Variants in COL19A1 observed in about 807,000 individuals in gnomAD.
COL19A1 encodes collagen type XIX alpha 1 chain.
Under a neutral mutation model 190.2 loss-of-function variants are expected in COL19A1, and 159 were observed. The ratio of observed to expected loss-of-function variants is 0.84; its 90% CI spans 0.73 to 0.95. The LOEUF (loss-of-function observed/expected upper bound fraction) is 0.95. COL19A1 is among the 40% of genes least tolerant of loss of function. The pLI is 0.00. For missense variants in COL19A1, 1,418 were observed against 1,431.9 expected (o/e 0.99, Z 0.16); for synonymous variants, 509 against 458.9 (o/e 1.11, Z -1.39).
chr6:70,024,298 T>C (rs1380396127), intron 12 of COL19A1, among the ~76,000 whole-genome samples: 4 of 152,232 alleles, frequency 2.6e-5, no homozygotes, highest in Non-Finnish European at 5.9e-5. Flanking sequence ...TGTAATTTTA[T>C]TTACATTTAC....
At chr6:69,980,721 A>G (rs1201386079) in intron 11 of COL19A1, among the ~76,000 whole-genome samples, 11 of 152,230 alleles carry the variant, frequency 7.2e-5, no homozygotes, top group Admixed American at 7.2e-4. Context: ...GTGAATAGGC[A>G]GCTCGCTAAA....
rs530935637 is a variant in COL19A1 at position 70,101,700 on chromosome 6, C to A, written c.1225-469C>A. 1.4e-4 allele frequency among the ~76,000 whole-genome samples: 22 copies of A among 152,194 alleles called. 2 individuals are homozygous for A. In the South Asian group the frequency reaches 4.6e-3, roughly 32 times the overall value. On this transcript the variant is annotated intron_variant, in intron 15 of 50. Coordinates refer to ENST00000620364, the MANE Select transcript of COL19A1 (RefSeq NM_001858.6). ...TGGCTCCGACCCCCGGGATTCTAAA[C>A]CGTGAATTCTAGGATGAAGTCCAGG...
intron 2 of COL19A1, among the ~76,000 whole-genome samples, chr6:69,882,232 ATTC>A (rs1468228121): frequency 6.6e-6 from 1 of 152,206 alleles, no homozygotes; most frequent in African/African-American, 2.4e-5. Context: ...ATATGGAGAG[ATTC>A]AATAATAACT....
In COL19A1 at chr6:70,156,685, C is replaced by T. The variant is rs148349188; in HGVS notation, c.2254C>T (p.Arg752Trp). ...GTCTTTTTAGGGAAGCAAAGGAGAG[C>T]GGGGCTACCCTGGGATACCTGGGGA... Reference protein sequence around the residue: ...REGPKGSKGERGYPGIPGEKG... With the variant: ...REGPKGSKGEWGYPGIPGEKG... The change falls in exon 34 of 51, where the codon CGG becomes TGG. Residue 752 changes from arginine (R) to tryptophan (W), a missense_variant. Transcript: ENST00000620364. The T allele has an allele frequency of 2.4e-4, 387 of 1,611,510 alleles. 1 individual carries two copies. Among genetic ancestry groups the T allele is most frequent in the Middle Eastern group, 1.7e-4 (1 of 6,044 alleles).
intron 14 of COL19A1, among the ~76,000 whole-genome samples, chr6:70,037,146 T>C (rs7767087): frequency 0.1 from 15,203 of 152,132 alleles, 805 homozygotes; most frequent in Middle Eastern, 0.12. Flanking sequence ...TTTTATACTT[T>C]GTAGAATTTT....
At chr6:69,965,637 C>T (rs1027452773) in intron 11 of COL19A1, among the ~76,000 whole-genome samples, 5 of 152,204 alleles carry the variant, frequency 3.3e-5, no homozygotes, top group Non-Finnish European at 5.9e-5. Flanking sequence ...CACAATTCAG[C>T]CAAATTAGTC....
chr6:70,093,067 A>T (rs566821462), intron 15 of COL19A1, among the ~76,000 whole-genome samples: 2 of 152,156 alleles, frequency 1.3e-5, no homozygotes, highest in African/African-American at 4.8e-5. Flanking sequence ...ACCTACAAAC[A>T]TAACAGTTCC....
chr6:69,955,259 G>T (rs557485237), intron 9 of COL19A1, among the ~76,000 whole-genome samples: 19 of 152,188 alleles, frequency 1.2e-4, no homozygotes, highest in Non-Finnish European at 2.5e-4. Context: ...TAATTCTCTA[G>T]CTTTGCTATG....
chr6:70,049,867 A>C (rs935298975), intron 14 of COL19A1, among the ~76,000 whole-genome samples: 2 of 152,156 alleles, frequency 1.3e-5, no homozygotes, highest in Admixed American at 6.5e-5. Context: ...CATTAAAATC[A>C]GTTTAATTCA....
At chr6:70,134,157 C>CACGA (rs1222226926) in intron 18 of COL19A1, among the ~76,000 whole-genome samples, 1 of 152,058 alleles carries the variant, frequency 6.6e-6, no homozygotes, top group Non-Finnish European at 1.5e-5. Flanking sequence ...AGATGGGTAA[C>CACGA]ACGAAGGTCA....
At chr6:70,101,226 A>G (rs1202496455) in intron 15 of COL19A1, among the ~76,000 whole-genome samples, 2 of 152,228 alleles carry the variant, frequency 1.3e-5, no homozygotes, top group African/African-American at 4.8e-5. Context: ...GTTAGTAACA[A>G]TGAAATAGAG....
intron 11 of COL19A1, among the ~76,000 whole-genome samples, chr6:69,989,966 T>C (rs148017049): frequency 1.3e-5 from 2 of 152,250 alleles, no homozygotes; most frequent in Non-Finnish European, 2.9e-5. Flanking sequence ...AATTTTTGCC[T>C]TCATTTCTAG....
Position 69,929,553 on chromosome 6 carries a change from A to G in COL19A1, c.519A>G (p.Lys173=). Reference sequence around the variant, plus strand: ...CTTTGTTTGATCGTCAGTGGCACAAACTTGGCATTAGTATACAATCCCAGG... The same window carrying G: ...CTTTGTTTGATCGTCAGTGGCACAAGCTTGGCATTAGTATACAATCCCAGG... ...LRPLFDRQWH[K]LGISIQSQVI... Residue 173 remains lysine, a synonymous_variant, in exon 6 of 51, where the codon AAA becomes AAG. Coordinates refer to ENST00000620364, the MANE Select transcript of COL19A1 (RefSeq NM_001858.6). 1.4e-5 allele frequency: 23 copies of G among 1,614,060 alleles called. No individual in the cohort carries two copies. Among genetic ancestry groups the G allele is most frequent in the Non-Finnish European group, 1.9e-5 (23 of 1,179,966 alleles).
At chr6:69,939,695 C>T (rs1344481819) in intron 9 of COL19A1, among the ~76,000 whole-genome samples, 1 of 152,082 alleles carries the variant, frequency 6.6e-6, no homozygotes, top group African/African-American at 2.4e-5. Flanking sequence ...GAGAGCCACA[C>T]ATAGGTAAAT....
intron 14 of COL19A1, among the ~76,000 whole-genome samples, chr6:70,041,764 A>T (rs963231762): frequency 6.6e-5 from 10 of 152,174 alleles, no homozygotes; most frequent in Non-Finnish European, 1.3e-4. Context: ...TAAAATTTTT[A>T]AATCAGGTCA....
At chr6:70,049,557 C>G (rs896663941) in intron 14 of COL19A1, among the ~76,000 whole-genome samples, 1 of 151,894 alleles carries the variant, frequency 6.6e-6, no homozygotes, top group Non-Finnish European at 1.5e-5. Flanking sequence ...GAGAATAACT[C>G]CTTCTGCCCT....
At chr6:70,086,453 A>G (rs1403788228) in intron 15 of COL19A1, among the ~76,000 whole-genome samples, 1 of 152,214 alleles carries the variant, frequency 6.6e-6, no homozygotes. Context: ...AGATGGTCAA[A>G]AAGTATTTCC....
intron 12 of COL19A1, among the ~76,000 whole-genome samples, chr6:70,030,452 A>G (rs1341402337): frequency 6.6e-6 from 1 of 152,170 alleles, no homozygotes; most frequent in Non-Finnish European, 1.5e-5. Context: ...GTGGTTCACT[A>G]TATACTGTCC....
At chr6:69,903,538 T>C (rs1302292956) in intron 4 of COL19A1, among the ~76,000 whole-genome samples, 1 of 152,218 alleles carries the variant, frequency 6.6e-6, no homozygotes, top group Non-Finnish European at 1.5e-5. Flanking sequence ...GCCATGCTTT[T>C]ATGAGCCTGA....
Sources: gnomAD v4.1 joint callset for allele counts (sites outside exome capture counted in the v4.1 genomes callset) on GRCh38, gnomAD v4.1.1 for gene constraint, MANE v1.5 for transcripts, NCBI Gene and HGNC (gene_info 2026-07-23, HGNC 2026-07-21) for gene names.